Variants in PREX1 observed in about 807,000 individuals in gnomAD.
PREX1 encodes phosphatidylinositol 3,4,5-trisphosphate-dependent Rac exchanger 1 protein.
In PREX1, 41 loss-of-function variants were observed where a neutral mutation model predicts 198.3. The ratio of observed to expected loss-of-function variants is 0.21; its 90% confidence interval spans 0.16 to 0.27. The LOEUF (loss-of-function observed/expected upper bound fraction) is 0.27. Among genes scored for constraint, PREX1 ranks in the 10% least tolerant of loss-of-function variants. PREX1 has a pLI of 1.00. For missense variants in PREX1, 1,620 were observed against 2,200.7 expected (o/e 0.74, Z 5.28); for synonymous variants, 843 against 887.2 (o/e 0.95, Z 0.89).
At chr20:48,640,622 A>G (rs1475274609) in intron 29 of PREX1, among the ~76,000 whole-genome samples, 1 of 152,034 alleles carries the variant, frequency 6.6e-6, no homozygotes, top group African/African-American at 2.4e-5. Flanking sequence ...TCTATCTCCT[A>G]CAATCTACAA....
chr20:48,624,743 G>A lies in PREX1; in HGVS notation c.*1142C>T, dbSNP rs1432061795. 6.6e-6 allele frequency: 1 copy of A among 152,276 alleles called. No individual in the cohort carries two copies. The highest frequency in any genetic ancestry group is 1.5e-5 in the Non-Finnish European group (1 of 68,076). The allele number at this position is 152,276 out of a possible 1,614,324, so 9.4% of individuals were successfully genotyped here. A position where few individuals can be genotyped will look rare whatever the true frequency, so the allele number is the denominator to read the frequency against. ...GGTGATGTCCCAATCGCCCTGCTCT[G>A]AGAAGTTACCATCAAGAAAATAAAT... On this transcript the variant is annotated 3_prime_UTR_variant, in exon 40 of 40. Transcript: ENST00000371941.
chr20:48,639,652 C>T, intron 30 of PREX1, 114 bp downstream of exon 30: 1 of 1,467,688 alleles, frequency 6.8e-7, no homozygotes, highest in African/African-American at 1.4e-5. Context: ...TGTCCTCTCC[C>T]TGGTCATGGA....
At chr20:48,686,625 GT>G (rs1263869576) in intron 10 of PREX1, among the ~76,000 whole-genome samples, 7 of 152,162 alleles carry the variant, frequency 4.6e-5, no homozygotes, top group African/African-American at 7.2e-5. Context: ...GGGATTAGGA[GT>G]TGGCTGAAAA....
At chr20:48,823,492 AG>A (rs2123084521) in intron 1 of PREX1, among the ~76,000 whole-genome samples, 1 of 152,330 alleles carries the variant, frequency 6.6e-6, no homozygotes, top group African/African-American at 2.4e-5. Context: ...GTCAGTGATC[AG>A]CCCAAGGTCA....
intron 1 of PREX1, among the ~76,000 whole-genome samples, chr20:48,786,326 C>T (rs1321738994): frequency 6.6e-6 from 1 of 152,096 alleles, no homozygotes; most frequent in Non-Finnish European, 1.5e-5. Context: ...CAAACCTACC[C>T]TTGGGGACCC....
At chr20:48,756,645 C>A (rs2090156951) in intron 1 of PREX1, among the ~76,000 whole-genome samples, 1 of 152,194 alleles carries the variant, frequency 6.6e-6, no homozygotes, top group South Asian at 2.1e-4. Flanking sequence ...GAACCTACAA[C>A]TGAGGCCTCC....
intron 1 of PREX1, among the ~76,000 whole-genome samples, chr20:48,802,406 G>A (rs943471057): frequency 2.0e-5 from 3 of 151,996 alleles, no homozygotes; most frequent in African/African-American, 7.3e-5. Flanking sequence ...CCTGAAATTG[G>A]CCAAGCTCAT....
intron 4 of PREX1, among the ~76,000 whole-genome samples, chr20:48,732,412 T>A (rs989152474): frequency 6.6e-6 from 1 of 151,804 alleles, no homozygotes; most frequent in Non-Finnish European, 1.5e-5. Flanking sequence ...TCTGGGAACG[T>A]GGTTCATACT....
intron 1 of PREX1, among the ~76,000 whole-genome samples, chr20:48,771,825 C>A (rs958538794): frequency 1.3e-5 from 2 of 152,174 alleles, no homozygotes; most frequent in Non-Finnish European, 2.9e-5. Flanking sequence ...TGTGATGCCA[C>A]GCACTAGCAT....
intron 35 of PREX1, among the ~76,000 whole-genome samples, chr20:48,631,814 G>A (rs1368927588): frequency 6.6e-6 from 1 of 152,054 alleles, no homozygotes; most frequent in African/African-American, 2.4e-5. Flanking sequence ...GGTTCCTCCT[G>A]GTGATACCTG....
At chr20:48,876,908 G>A in the PREX1 span, among the ~76,000 whole-genome samples, 2 of 152,108 alleles carry the variant, frequency 1.3e-5, no homozygotes, top group African/African-American at 2.4e-5. Flanking sequence ...CAGTCTACCT[G>A]TCACCTCATT....
Position 48,752,802 on chromosome 20 carries a change from T to C in PREX1, c.220-4922A>G, listed in dbSNP as rs531871789. Among the ~76,000 whole-genome samples, 9 of 152,302 alleles carry C rather than the reference T, an allele frequency of 5.9e-5. 1 individual carries two copies. The East Asian group carries it at 1.7e-3, about 29-fold the overall frequency. On this transcript the variant is annotated intron_variant, in intron 1 of 39. Coordinates refer to ENST00000371941, the MANE Select transcript of PREX1 (RefSeq NM_020820.4). ...TTGAATCAGTCTCGGGTCATGTTCT[T>C]TGGGGAATCCACAATAAGACAGACC...
intron 29 of PREX1, among the ~76,000 whole-genome samples, chr20:48,641,820 A>G (rs549113103): frequency 2.2e-5 from 3 of 133,758 alleles, no homozygotes; most frequent in East Asian, 6.5e-4. Context: ...GAAAGAAAGA[A>G]AGAAAGAGAG....
chr20:48,739,350 A>G (rs2122743638), intron 3 of PREX1, among the ~76,000 whole-genome samples: 1 of 152,326 alleles, frequency 6.6e-6, no homozygotes, highest in South Asian at 2.1e-4. Context: ...CTCATTTCAG[A>G]CACATATTTT....
At chr20:48,677,993 G>GA (rs1021841147) in intron 13 of PREX1, among the ~76,000 whole-genome samples, 2 of 149,998 alleles carry the variant, frequency 1.3e-5, no homozygotes, top group East Asian at 2.0e-4. Flanking sequence ...CTCAAAAAAA[G>GA]AAAAAAAAGA....
the PREX1 span, among the ~76,000 whole-genome samples, chr20:48,864,071 T>C: frequency 6.6e-6 from 1 of 152,250 alleles, no homozygotes; most frequent in Non-Finnish European, 1.5e-5. Context: ...GAACAAAGGC[T>C]TATACATTTT....
At chr20:48,853,057 G>C in the PREX1 span, among the ~76,000 whole-genome samples, 3 of 152,188 alleles carry the variant, frequency 2.0e-5, no homozygotes, top group Non-Finnish European at 4.4e-5. Flanking sequence ...GGGAAACTGA[G>C]TGGATGGGTG....
intron 1 of PREX1, among the ~76,000 whole-genome samples, chr20:48,784,225 C>T (rs1480984619): frequency 2.0e-5 from 3 of 152,286 alleles, no homozygotes; most frequent in African/African-American, 4.8e-5. Context: ...TGCAAAATGA[C>T]TCTTTATCAT....
At chr20:48,626,877 T>C (rs1159894244) in intron 39 of PREX1, among the ~76,000 whole-genome samples, 2 of 152,142 alleles carry the variant, frequency 1.3e-5, no homozygotes, top group Non-Finnish European at 2.9e-5. Context: ...AAACTAGGGC[T>C]GTGGAGATGG....
Sources: allele counts gnomAD v4.1 joint callset (sites outside exome capture counted in the v4.1 genomes callset), GRCh38; gene constraint gnomAD v4.1.1; transcripts MANE v1.5; gene names NCBI Gene and HGNC (gene_info 2026-07-23, HGNC 2026-07-21).